Variants in YJU2 observed in about 807,000 individuals in gnomAD.
The protein encoded by YJU2 is YJU2 splicing factor homolog, also known as splicing factor YJU2.
A neutral mutation model predicts 39.6 loss-of-function variants in YJU2; 28 were observed. The ratio of observed to expected loss-of-function variants is 0.71; its 90% CI spans 0.52 to 0.97. YJU2 has a LOEUF of 0.97. YJU2 is among the 50% of genes least tolerant of loss of function. The pLI, the probability that YJU2 is intolerant of heterozygous loss-of-function variation, is 0.00. For missense variants in YJU2, 328 were observed against 430.4 expected (o/e 0.76, Z 2.11); for synonymous variants, 184 against 182.4 (o/e 1.01, Z -0.07).
intron 5 of YJU2, among the ~76,000 whole-genome samples, chr19:4,260,680 CTA>C: frequency 6.6e-6 from 1 of 152,126 alleles, no homozygotes; most frequent in East Asian, 1.9e-4. Context: ...AGGCTGGTCT[CTA>C]ACCCCTGGCT....
intron 6 of YJU2, 120 bp from the exon 7 acceptor site, chr19:4,267,504 A>AC (rs779931761): frequency 8.5e-5 from 88 of 1,037,180 alleles, no homozygotes; most frequent in Non-Finnish European, 1.2e-4. Context: ...GCAGAGGAGG[A>AC]ATGTGGTCAG....
intron 5 of YJU2, among the ~76,000 whole-genome samples, chr19:4,259,106 G>A (rs1300248073): frequency 8.4e-6 from 1 of 119,150 alleles, no homozygotes; most frequent in Non-Finnish European, 1.6e-5. Context: ...TTTTTGAGAC[G>A]GAGTCTCCCT....
chr19:4,255,938 C>T (rs1190818631), intron 4 of YJU2, among the ~76,000 whole-genome samples: 22 of 151,862 alleles, frequency 1.4e-4, no homozygotes, highest in African/African-American at 4.8e-4. Flanking sequence ...ACCCAGGAGG[C>T]GGAGGTTGCA....
At chr19:4,266,233 AG>A (rs1293046168) in intron 6 of YJU2, among the ~76,000 whole-genome samples, 4 of 152,108 alleles carry the variant, frequency 2.6e-5, no homozygotes, top group Non-Finnish European at 4.4e-5. Flanking sequence ...TAGAAGCATG[AG>A]CCACTGCGCC....
chr19:4,252,560 C>G (rs963320269), intron 3 of YJU2, among the ~76,000 whole-genome samples: 1 of 151,990 alleles, frequency 6.6e-6, no homozygotes, highest in Non-Finnish European at 1.5e-5. Flanking sequence ...GCTGAGATCG[C>G]GCCACTGCAC....
At chr19:4,252,700 G>A (rs997467712) in intron 3 of YJU2, among the ~76,000 whole-genome samples, 1 of 152,122 alleles carries the variant, frequency 6.6e-6, no homozygotes, top group Non-Finnish European at 1.5e-5. Flanking sequence ...CAAGGGAGAA[G>A]GATCGCTTAA....
At chr19:4,265,513 C>G (rs922811691) in intron 6 of YJU2, among the ~76,000 whole-genome samples, 1 of 151,908 alleles carries the variant, frequency 6.6e-6, no homozygotes, top group Non-Finnish European at 1.5e-5. Context: ...GCAGTCCTCC[C>G]GCCTTGGCCT....
Position 4,262,073 on chromosome 19 carries a change from C to T in YJU2, c.667C>T (p.Gln223Ter). ...GGATGAGGCTGCTCCCTCGCCCCTG[C>T]AGCCAGCCCTTCGGCCCAACCCCAC... ...SEDEAAPSPL[Q>*]PALRPNPTAI... The change falls in exon 6 of 8, where the codon CAG becomes TAG. Residue 223 changes from glutamine to a stop codon, truncating the protein, a stop_gained. Coordinates refer to ENST00000262962, the MANE Select transcript of YJU2 (RefSeq NM_018074.6). LOFTEE classifies it high-confidence loss of function. 1 of 1,612,246 alleles carries T rather than the reference C, an allele frequency of 6.2e-7. No individual in the cohort carries two copies. Among genetic ancestry groups the T allele is most frequent in the Non-Finnish European group, 8.5e-7 (1 of 1,179,958 alleles).
chr19:4,254,226 G>A, intron 3 of YJU2, 129 bp from the exon 4 acceptor site: 1 of 756,842 alleles, frequency 1.3e-6, no homozygotes, highest in East Asian at 2.5e-5. Context: ...AAAGCAATAA[G>A]ACAAGAAAAA....
chr19:4,253,254 A>G (rs1970992481), intron 3 of YJU2, among the ~76,000 whole-genome samples: 1 of 151,542 alleles, frequency 6.6e-6, no homozygotes, highest in Non-Finnish European at 1.5e-5. Context: ...AATTAAAAAA[A>G]GAAACTAAAG....
intron 6 of YJU2, among the ~76,000 whole-genome samples, chr19:4,263,294 C>T (rs1392892558): frequency 1.3e-5 from 2 of 152,120 alleles, no homozygotes; most frequent in Admixed American, 6.6e-5. Flanking sequence ...TTCTGGAGCA[C>T]GGCTTCCTGC....
intron 5 of YJU2, among the ~76,000 whole-genome samples, chr19:4,260,906 G>A (rs976955429): frequency 6.6e-6 from 1 of 152,184 alleles, no homozygotes; most frequent in African/African-American, 2.4e-5. Context: ...CCATCTGGGT[G>A]AGAGAGAAGC....
chr19:4,259,153 C>T (rs1971050209), intron 5 of YJU2, among the ~76,000 whole-genome samples: 1 of 125,202 alleles, frequency 8.0e-6, no homozygotes, highest in Non-Finnish European at 1.6e-5. Flanking sequence ...CGCCATCTCG[C>T]TCACTGCAAG....
At chr19:4,249,600 C>T (rs1352146910) in intron 2 of YJU2, among the ~76,000 whole-genome samples, 8 of 152,046 alleles carry the variant, frequency 5.3e-5, no homozygotes, top group African/African-American at 1.9e-4. Context: ...AGATGCAGCC[C>T]CATAGATATA....
intron 5 of YJU2, among the ~76,000 whole-genome samples, chr19:4,259,995 G>A (rs1971057782): frequency 6.6e-6 from 1 of 152,080 alleles, no homozygotes; most frequent in South Asian, 2.1e-4. Context: ...CATCATGGAG[G>A]GGACTGAGGT....
chr19:4,267,690 C>A lies in YJU2; in HGVS notation c.775C>A (p.Pro259Thr). 1.2e-6 allele frequency: 2 copies of A among 1,613,556 alleles called. No individual in the cohort carries two copies. The highest frequency in any genetic ancestry group is 8.5e-7 in the Non-Finnish European group (1 of 1,179,946). Residue 259 changes from proline (P) to threonine (T), a missense_variant, in exon 7 of 8, where the codon CCG (proline) becomes ACG (threonine). Around this residue, in one of 2 missense-constraint regions of YJU2, gnomAD observed 244 missense variants for 264.6 expected, o/e 0.92. Transcript: ENST00000262962. ...CGTTGGCAGCCTGGGCAGCCGGCCCCCGCTGTCGAGGCTGGTCGTGGTGAA... is the reference window on the plus strand; with the variant it reads ...CGTTGGCAGCCTGGGCAGCCGGCCCACGCTGTCGAGGCTGGTCGTGGTGAA... ...QSVGSLGSRP[P>T]LSRLVVVKKA...
At chr19:4,268,244 C>T (rs911829732) in intron 7 of YJU2, among the ~76,000 whole-genome samples, 4 of 152,224 alleles carry the variant, frequency 2.6e-5, no homozygotes, top group Non-Finnish European at 5.9e-5. Flanking sequence ...CGCGCCCGGC[C>T]TGTTTTTGTC....
chr19:4,268,546 G>C (rs4807565), intron 7 of YJU2, 38 bp from the exon 8 acceptor site: 509,202 of 1,463,876 alleles, frequency 0.35, 97,515 homozygotes, highest in African/African-American at 0.73. Context: ...CCTGTCTGCT[G>C]TGGAGCTGAG....
intron 1 of YJU2, among the ~76,000 whole-genome samples, chr19:4,248,638 G>A (rs1970950510): frequency 6.6e-6 from 1 of 152,192 alleles, no homozygotes; most frequent in African/African-American, 2.4e-5. Flanking sequence ...TCTACAAAGG[G>A]CAGGGCATGA....
Sources: gnomAD v4.1 joint callset for allele counts (sites outside exome capture counted in the v4.1 genomes callset) on GRCh38, gnomAD v4.1.1 for gene constraint, gnomAD v4.1.1 regional missense constraint, MANE v1.5 for transcripts, NCBI Gene and HGNC (gene_info 2026-07-23, HGNC 2026-07-21) for gene names.